Variants in DCAF10 observed in about 807,000 individuals in gnomAD.
DCAF10 encodes DDB1 and CUL4 associated factor 10.
A neutral mutation model predicts 51.9 loss-of-function variants in DCAF10; 19 were observed. That is an observed-to-expected ratio of 0.37 (90% confidence interval 0.26 to 0.54). The LOEUF is 0.54. Among genes scored for constraint, DCAF10 ranks in the 20% least tolerant of loss-of-function variants. The pLI is 0.87. For missense variants in DCAF10, 510 were observed against 730.6 expected, an observed-to-expected ratio of 0.70 and a Z score of 3.48; for synonymous variants, 291 against 297.1, an observed-to-expected ratio of 0.98 and a Z score of 0.21.
At chr9:37,837,564 C>G (rs1830207148) in intron 2 of DCAF10, among the ~76,000 whole-genome samples, 1 of 151,748 alleles carries the variant, frequency 6.6e-6, no homozygotes, top group South Asian at 2.1e-4. Flanking sequence ...AAATGTCACT[C>G]TGTTTGTTAG....
chr9:37,821,834 A>C (rs1320570125), intron 2 of DCAF10, among the ~76,000 whole-genome samples: 1 of 152,202 alleles, frequency 6.6e-6, no homozygotes, highest in Non-Finnish European at 1.5e-5. Context: ...GACAACCCAC[A>C]GAGTGGGAGA....
In DCAF10 at chr9:37,854,908, A is replaced by G; in HGVS notation, c.980A>G (p.Asp327Gly). Reference protein sequence around the residue: ...TSSGYLLILHDLDLTKSLEVG... With the variant: ...TSSGYLLILHGLDLTKSLEVG... ...TCTGGATATCTCTTAATTTTGCATG[A>G]CCTTGACTTAACTAAGTCTTTAGAA... Residue 327 changes from aspartate to glycine, a missense_variant, in exon 4 of 7, where the codon GAC (aspartate) becomes GGC (glycine). By Grantham distance (94) the Asp-to-Gly change is moderately conservative. This residue lies in a region of DCAF10 where 126 missense variants were observed against 271.5 expected (regional missense o/e 0.46). Coordinates refer to ENST00000377724, the MANE Select transcript of DCAF10 (RefSeq NM_024345.5). 1 of 1,614,056 alleles carries G rather than the reference A, an allele frequency of 6.2e-7. No homozygotes were observed. The highest frequency in any genetic ancestry group is 8.5e-7 in the Non-Finnish European group (1 of 1,179,992).
intron 3 of DCAF10, among the ~76,000 whole-genome samples, chr9:37,843,511 C>A (rs1162172921): frequency 1.3e-5 from 2 of 152,166 alleles, no homozygotes; most frequent in East Asian, 3.9e-4. Flanking sequence ...ATAAATGTAA[C>A]TTCCAAATTA....
At chr9:37,854,689 C>T (rs2118156785) in intron 3 of DCAF10, 91 bp from the exon 4 acceptor site, 1 of 1,221,656 alleles carries the variant, frequency 8.2e-7, no homozygotes, top group Non-Finnish European at 1.2e-6. Context: ...ATCCTCCCTA[C>T]ATTTTATTTT....
chr9:37,834,968 T>C (rs1306507844), intron 2 of DCAF10, among the ~76,000 whole-genome samples: 3 of 152,048 alleles, frequency 2.0e-5, no homozygotes, highest in African/African-American at 4.8e-5. Flanking sequence ...GTATTTTTCA[T>C]AGAGACGAGG....
chr9:37,842,388 G>C (rs1422051036), intron 3 of DCAF10, 102 bp downstream of exon 3: 1 of 1,195,284 alleles, frequency 8.4e-7, no homozygotes, highest in Non-Finnish European at 1.1e-6. Flanking sequence ...AAGGAAACTG[G>C]CTTTAGGAAA....
chr9:37,865,231 T>C lies in DCAF10; in HGVS notation c.*3723T>C, dbSNP rs1029440717. The C allele has an allele frequency of 2.6e-5, 4 of 151,016 alleles. No individual in the cohort carries two copies. The East Asian group carries it at 7.7e-4, about 29-fold the overall frequency. 9.4% of individuals were successfully genotyped at this position (151,016 alleles called of 1,614,324 possible). On this transcript the variant is annotated 3_prime_UTR_variant, in exon 7 of 7. Transcript: ENST00000377724. ...TCAAGCAGAATAAGCAGCTATAAAA[T>C]AGAAAAGAAAAATTAAGGATAAACG... is the stretch of plus-strand genomic sequence containing the variant.
At chr9:37,852,930 T>TA (rs1830710395) in intron 3 of DCAF10, among the ~76,000 whole-genome samples, 3 of 109,822 alleles carry the variant, frequency 2.7e-5, no homozygotes, top group African/African-American at 1.0e-4. Context: ...GTATGTGAGG[T>TA]TATATATATA....
At chr9:37,848,299 C>G (rs542966382) in intron 3 of DCAF10, among the ~76,000 whole-genome samples, 1 of 151,992 alleles carries the variant, frequency 6.6e-6, no homozygotes, top group East Asian at 1.9e-4. Flanking sequence ...TCATAATAAG[C>G]AAAAATGGAA....
At chr9:37,856,059 G>A (rs1830839763) in intron 4 of DCAF10, among the ~76,000 whole-genome samples, 1 of 152,176 alleles carries the variant, frequency 6.6e-6, no homozygotes. Flanking sequence ...GCTGGGGCAG[G>A]AGGATCACCT....
intron 2 of DCAF10, chr9:37,832,135 G>A (rs1830025906): frequency 7.1e-6 from 1 of 141,482 alleles, no homozygotes; most frequent in Non-Finnish European, 1.6e-5. Context: ...AGAATCGCTT[G>A]AACCATCTAA....
intron 1 of DCAF10, among the ~76,000 whole-genome samples, chr9:37,802,709 G>C (rs1202185651): frequency 6.6e-6 from 1 of 152,104 alleles, no homozygotes; most frequent in Non-Finnish European, 1.5e-5. Flanking sequence ...GGGGTCTCTG[G>C]GGTCTCAACA....
intron 1 of DCAF10, among the ~76,000 whole-genome samples, chr9:37,818,650 A>G (rs887428739): frequency 2.0e-5 from 3 of 152,214 alleles, no homozygotes; most frequent in African/African-American, 7.2e-5. Flanking sequence ...AACTGCTCTG[A>G]TAGGTTATAT....
At chr9:37,837,469 A>AC (rs1300037249) in intron 2 of DCAF10, among the ~76,000 whole-genome samples, 1 of 151,882 alleles carries the variant, frequency 6.6e-6, no homozygotes, top group African/African-American at 2.4e-5. Flanking sequence ...AAAAAAAAAA[A>AC]AAAAAAGAAA....
chr9:37,846,079 C>T (rs1317797162), intron 3 of DCAF10, among the ~76,000 whole-genome samples: 1 of 151,602 alleles, frequency 6.6e-6, no homozygotes, highest in Non-Finnish European at 1.5e-5. Context: ...AAAGAAAGAC[C>T]AATCTGTAAT....
chr9:37,861,025 T>A lies in DCAF10; in HGVS notation c.1312-115T>A. The A allele has an allele frequency of 7.1e-7, 1 of 1,415,088 alleles. No homozygotes were observed. Among genetic ancestry groups the A allele is most frequent in the Non-Finnish European group, 9.4e-7 (1 of 1,058,640 alleles). The allele number at this position is 1,415,088 out of a possible 1,614,324, so 87.7% of individuals were successfully genotyped here. On this transcript the variant is annotated intron_variant, in intron 6 of 6. Transcript: ENST00000377724. The surrounding 1 kb of genome is among the most constrained non-coding windows in gnomAD (Gnocchi z 4.9). ...AGGGGGATAGCATTATTCTGAGTGA[T>A]TTCTTGTAAAAATTCTGTGGCTTTG...
intron 1 of DCAF10, among the ~76,000 whole-genome samples, chr9:37,808,568 A>G (rs1829203648): frequency 1.8e-5 from 2 of 114,120 alleles, no homozygotes; most frequent in Admixed American, 2.4e-4. Context: ...TATATAATAC[A>G]TAATATATAA....
Position 37,820,820 on chromosome 9 carries a change from A to G in DCAF10, c.653+1419A>G, listed in dbSNP as rs540806771. ...AAGACATATAATATTAATATAACAA[A>G]ATCAGCCACCAAAACATTCATTTCT... On this transcript the variant is annotated intron_variant, in intron 2 of 6. Coordinates refer to ENST00000377724, the MANE Select transcript of DCAF10 (RefSeq NM_024345.5). Among the ~76,000 whole-genome samples, 15 of 152,246 alleles carry G rather than the reference A, an allele frequency of 9.9e-5. No homozygotes were observed. The South Asian group carries it at 3.1e-3, about 32-fold the overall frequency.
chr9:37,800,719 G>A (rs534996533), upstream of DCAF10: 73 of 1,535,414 alleles, frequency 4.8e-5, no homozygotes, highest in African/African-American at 7.5e-4. Flanking sequence ...CAGCTTTCCC[G>A]GTCCCCGGCG....
Sources: allele counts gnomAD v4.1 joint callset (sites outside exome capture counted in the v4.1 genomes callset), GRCh38; gene constraint gnomAD v4.1.1; regional missense constraint gnomAD v4.1.1; non-coding constraint Gnocchi (gnomAD v3.1); transcripts MANE v1.5; gene names NCBI Gene and HGNC (gene_info 2026-07-23, HGNC 2026-07-21).